The following HSPG2 variants were observed in gnomAD, a reference collection of about 807,000 sequenced individuals.
HSPG2 encodes heparan sulfate proteoglycan 2.
In HSPG2, 278 loss-of-function variants were observed where a neutral mutation model predicts 526.6. The ratio of observed to expected loss-of-function variants is 0.53; its 90% CI spans 0.48 to 0.58. The LOEUF (loss-of-function observed/expected upper bound fraction) is 0.58, where lower values mean the gene tolerates loss of function less well. HSPG2 is among the 20% of genes least tolerant of loss of function. The pLI is 0.00. For synonymous variants in HSPG2, 2,465 were observed against 2,555.4 expected (o/e 0.96, Z 1.07); for missense variants, 5,354 against 6,099.5 (o/e 0.88, Z 4.07).
intron 1 of HSPG2, among the ~76,000 whole-genome samples, chr1:21,917,460 A>C (rs1202817285): frequency 6.6e-6 from 1 of 150,630 alleles, no homozygotes; most frequent in Non-Finnish European, 1.5e-5. Flanking sequence ...TAAATAAATA[A>C]ATAAATAAAT....
At chr1:21,837,374 G>C (rs1359494504) in intron 74 of HSPG2, among the ~76,000 whole-genome samples, 2 of 152,180 alleles carry the variant, frequency 1.3e-5, no homozygotes, top group African/African-American at 4.8e-5. Context: ...TCCACCTCCC[G>C]GGTTCAAGCG....
chr1:21,831,004 C>A lies in HSPG2; in HGVS notation c.11649G>T (p.Ser3883=), dbSNP rs367617288. ...TACCTGGATGGCAGTGCAGGGCCTG[C>A]GAGTGCTCACAGCGGCTCCCGGTGA... ...AGFTGSRCEH[S]QALHCHPEAC... is the part of the protein sequence containing the mutation. The change falls in exon 85 of 97, where the codon TCG becomes TCT. Residue 3883 remains serine (S), a synonymous_variant. Coordinates refer to ENST00000374695, the MANE Select transcript of HSPG2 (RefSeq NM_005529.7). 2 of 1,585,552 alleles carry A rather than the reference C, an allele frequency of 1.3e-6. No individual in the cohort carries two copies. The highest frequency in any genetic ancestry group is 1.7e-6 in the Non-Finnish European group (2 of 1,165,766).
Position 21,850,399 on chromosome 1 carries a change from C to T in HSPG2, c.7258G>A (p.Val2420Ile), listed in dbSNP as rs1465430094. The change falls in exon 56 of 97, where the codon GTC becomes ATC. Residue 2420 changes from valine to isoleucine, a missense_variant. Coordinates refer to ENST00000374695, the MANE Select transcript of HSPG2 (RefSeq NM_005529.7). ...CCCGCAGGCTCAATGGTGACCAGGA[C>T]AGAGGCCTCTAGAGGCACGGAGCTG... ...LGSSVPLEAS[V>I]LVTIEPAGSV... 1.2e-6 allele frequency: 2 copies of T among 1,610,966 alleles called. No individual in the cohort carries two copies. Among genetic ancestry groups the T allele is most frequent in the African/African-American group, 1.3e-5 (1 of 74,902 alleles).
chr1:21,851,954 G>C, intron 53 of HSPG2, 28 bp from the exon 54 acceptor site: 2 of 1,604,604 alleles, frequency 1.2e-6, no homozygotes, highest in South Asian at 1.1e-5. Context: ...GAGGTGTGAG[G>C]GGGGCTTCCC....
chr1:21,894,336 T>C (rs1416551762), intron 3 of HSPG2, among the ~76,000 whole-genome samples: 1 of 151,852 alleles, frequency 6.6e-6, no homozygotes, highest in Non-Finnish European at 1.5e-5. Context: ...TGGCTCTGGC[T>C]CATGGGCGCA....
At chr1:21,878,326 G>A (rs1475833138) in intron 20 of HSPG2, 73 bp from the exon 21 acceptor site, 2 of 1,584,360 alleles carry the variant, frequency 1.3e-6, no homozygotes, top group South Asian at 2.3e-5. Context: ...TAGAGGAACA[G>A]TGGCTCCCCA....
At chr1:21,825,653 G>C (rs1025721251) in intron 91 of HSPG2, among the ~76,000 whole-genome samples, 3 of 152,208 alleles carry the variant, frequency 2.0e-5, no homozygotes, top group African/African-American at 7.2e-5. Flanking sequence ...ATGATGAGGA[G>C]AACGGCTGAC....
chr1:21,907,991 G>A, intron 1 of HSPG2: 1 of 628,858 alleles, frequency 1.6e-6, no homozygotes, highest in Non-Finnish European at 3.0e-6. Flanking sequence ...TGTTGTGAGG[G>A]TTAAATACAG....
At chr1:21,923,007 A>G (rs1644085968) in intron 1 of HSPG2, among the ~76,000 whole-genome samples, 1 of 148,762 alleles carries the variant, frequency 6.7e-6, no homozygotes, top group African/African-American at 2.5e-5. Flanking sequence ...GAGGGAGGAA[A>G]GTGAAAAGCA....
chr1:21,835,623 T>A lies in HSPG2; in HGVS notation c.10370A>T (p.Asp3457Val). 6.2e-7 allele frequency: 1 copy of A among 1,613,570 alleles called. No homozygotes were observed. The highest frequency in any genetic ancestry group is 8.5e-7 in the Non-Finnish European group (1 of 1,179,456). Residue 3457 changes from aspartate (D) to valine (V), a missense_variant, in exon 76 of 97, where the codon GAC (aspartate) becomes GTC (valine). Asp to Val is a radical substitution (Grantham distance 152, BLOSUM62 -3). Transcript: ENST00000374695. ...TATATACGTCCCTTGGCAGCTCTGG[T>A]CCAAGTTCTGGATTCTATAAAGAAA... ...QDGVLRIQNL[D>V]QSCQGTYICQ...
intron 1 of HSPG2, among the ~76,000 whole-genome samples, chr1:21,909,946 C>T (rs1030712515): frequency 2.0e-5 from 3 of 152,240 alleles, no homozygotes; most frequent in African/African-American, 4.8e-5. Flanking sequence ...CAGGCTCCCC[C>T]CTCAGCTGCA....
chr1:21,834,936 G>A lies in HSPG2; in HGVS notation c.10463C>T (p.Ser3488Leu), dbSNP rs771515089. ...SAQLVIQALP[S>L]VLINIRTSVQ... ...AGAGGTCCGGATGTTGATGAGCACC[G>A]AGGGCAGGGCTGGGGAGGAGGGAGG... Residue 3488 changes from serine to leucine, a missense_variant, in exon 77 of 97, where the codon TCG (serine) becomes TTG (leucine). Physicochemically the swap from Ser to Leu is moderately radical, Grantham distance 145. Coordinates refer to ENST00000374695, the MANE Select transcript of HSPG2 (RefSeq NM_005529.7). 1.6e-5 allele frequency: 25 copies of A among 1,612,246 alleles called. No individual in the cohort carries two copies. The highest frequency in any genetic ancestry group is 1.5e-4 in the South Asian group (14 of 91,084).
At position 21,833,474 on chromosome 1, in the gene HSPG2, C is replaced by T. The variant is rs2152695041; in HGVS notation, c.10971G>A (p.Gln3657=). ...TTAGGGGTGGTGTCTTACCTGGCAC[C>T]TGCAGGTGGGCAAAGGCTTTGACCT... The part of the protein sequence containing the change: ...QGKVKAFAHL[Q]VPERVVPYFT... The change falls in exon 79 of 97, where the codon CAG becomes CAA. Residue 3657 remains glutamine, a synonymous_variant. Transcript: ENST00000374695. 2 of 1,614,196 alleles carry T rather than the reference C, an allele frequency of 1.2e-6. No individual in the cohort carries two copies. Among genetic ancestry groups the T allele is most frequent in the East Asian group, 4.5e-5 (2 of 44,876 alleles).
chr1:21,829,919 G>A (rs1336793397), intron 86 of HSPG2, 74 bp downstream of exon 86: 2 of 1,239,708 alleles, frequency 1.6e-6, no homozygotes, highest in African/African-American at 3.0e-5. Flanking sequence ...GGCCCATCAT[G>A]GCCTCAGAGT....
intron 1 of HSPG2, among the ~76,000 whole-genome samples, chr1:21,927,314 G>A (rs1644225439): frequency 6.6e-6 from 1 of 152,140 alleles, no homozygotes; most frequent in Non-Finnish European, 1.5e-5. Flanking sequence ...CAAAGCATAG[G>A]GTGGGGTGGG....
intron 56 of HSPG2, 22 bp from the exon 57 acceptor site, chr1:21,850,214 T>A: frequency 1.9e-6 from 3 of 1,613,044 alleles, no homozygotes; most frequent in Non-Finnish European, 2.5e-6. Context: ...GGGCAAAGGG[T>A]CAATAGCCGG....
chr1:21,915,068 GCCTTTGTTA>G (rs11279660), intron 1 of HSPG2, among the ~76,000 whole-genome samples: 140,414 of 152,090 alleles, frequency 0.92, 65,593 homozygotes, highest in Non-Finnish European at 0.99. Flanking sequence ...TCCATGATTG[GCCTTTGTTA>G]CCTTTGTTAC....
At chr1:21,836,475 C>A (rs1303185792) in intron 75 of HSPG2, among the ~76,000 whole-genome samples, 2 of 152,188 alleles carry the variant, frequency 1.3e-5, no homozygotes, top group Non-Finnish European at 2.9e-5. Flanking sequence ...GTGCCCACCA[C>A]CACACCCAGT....
At chr1:21,852,040 T>G in intron 53 of HSPG2, 48 bp downstream of exon 53, 2 of 1,611,920 alleles carry the variant, frequency 1.2e-6, no homozygotes, top group Non-Finnish European at 1.7e-6. Flanking sequence ...GCCAGGATCC[T>G]GCAACCCACT....
Sources: allele counts gnomAD v4.1 joint callset (sites outside exome capture counted in the v4.1 genomes callset), GRCh38; gene constraint gnomAD v4.1.1; transcripts MANE v1.5; gene names NCBI Gene and HGNC (gene_info 2026-07-23, HGNC 2026-07-21).